Variants in PDE4DIP observed in about 807,000 individuals in gnomAD.
The protein encoded by PDE4DIP is myomegalin.
PDE4DIP carries 59 observed loss-of-function variants against 221.4 expected under a neutral mutation model. The ratio of observed to expected loss-of-function variants is 0.27; its 90% CI spans 0.22 to 0.33. PDE4DIP has a LOEUF of 0.33. Among genes scored for constraint, PDE4DIP ranks in the 10% least tolerant of loss-of-function variants. The pLI is 1.00. For synonymous variants in PDE4DIP, 404 were observed against 815.9 expected (o/e 0.50, Z 8.60); for missense variants, 1,036 against 2,154.2 (o/e 0.48, Z 10.28).
At position 148,937,817 on chromosome 1, in the gene PDE4DIP, C is replaced by T. The variant is rs781863180; in HGVS notation, c.589C>T (p.Gln197Ter). ...TGTAGAACAGCTATCTCGGGAGAAA[C>T]AACAACTGCTACATCTGTTGGAGGA... Residue 197 changes from glutamine to a stop codon, truncating the protein, a stop_gained, in exon 5 of 44, where the codon CAA (glutamine) becomes TAA (stop). Transcript: ENST00000369354. LOFTEE classifies it high-confidence loss of function. 9.2e-7 allele frequency: 1 copy of T among 1,087,556 alleles called. No homozygotes were observed. Among genetic ancestry groups the T allele is most frequent in the African/African-American group, 1.5e-5 (1 of 64,582 alleles). 67.4% of individuals were successfully genotyped at this position (1,087,556 alleles called of 1,614,324 possible). A position where few individuals can be genotyped will look rare whatever the true frequency, so the allele number is the denominator to read the frequency against.
At chr1:148,905,178 G>GTTTTTTTTT (rs56687289) in intron 1 of PDE4DIP, among the ~76,000 whole-genome samples, 15 of 94,514 alleles carry the variant, frequency 1.6e-4, no homozygotes, top group Middle Eastern at 6.0e-3. Context: ...TCTCTTCTAG[G>GTTTTTTTTT]TTTTTTTTTT....
intron 1 of PDE4DIP, among the ~76,000 whole-genome samples, chr1:148,843,523 C>A (rs1675554776): frequency 1.1e-5 from 1 of 88,244 alleles, no homozygotes; most frequent in South Asian, 5.0e-4. Flanking sequence ...CATGTGGGCA[C>A]TATAAAGCCT....
intron 1 of PDE4DIP, among the ~76,000 whole-genome samples, chr1:148,846,438 C>T: frequency 3.0e-5 from 1 of 33,746 alleles, no homozygotes; most frequent in Middle Eastern, 0.013. Context: ...AAGCGAAACT[C>T]CGCCTCAAAA....
At chr1:148,966,946 T>C (rs2151872591) in exon 12 of PDE4DIP, 3 of 1,612,452 alleles carry the variant, frequency 1.9e-6, no homozygotes, top group Admixed American at 1.7e-5. Context: ...GACTGCGCGA[T>C]GTCCTCTCCT....
chr1:148,951,584 C>G (rs1212013810), intron 5 of PDE4DIP, among the ~76,000 whole-genome samples: 4 of 152,282 alleles, frequency 2.6e-5, no homozygotes, highest in African/African-American at 9.6e-5. Flanking sequence ...CGTCCCCTGT[C>G]CTAAAATAAT....
At chr1:148,981,681 T>C in intron 21 of PDE4DIP, 1 of 379,610 alleles carries the variant, frequency 2.6e-6, no homozygotes, top group Middle Eastern at 8.0e-4. Context: ...TTTAAATCAT[T>C]CTGTTTTAGT....
At chr1:148,994,652 C>G (rs1159587988) in intron 22 of PDE4DIP, among the ~76,000 whole-genome samples, 1 of 151,968 alleles carries the variant, frequency 6.6e-6, no homozygotes, top group Non-Finnish European at 1.5e-5. Flanking sequence ...ATAAACTTAC[C>G]TACCTACCAT....
At chr1:148,961,320 G>T (rs1169107059) in intron 6 of PDE4DIP, among the ~76,000 whole-genome samples, 1 of 152,138 alleles carries the variant, frequency 6.6e-6, no homozygotes, top group Non-Finnish European at 1.5e-5. Context: ...AAAAACACTT[G>T]CATGCAGTCT....
chr1:148,933,782 TC>T (rs1486691279), intron 4 of PDE4DIP, among the ~76,000 whole-genome samples: 1 of 152,086 alleles, frequency 6.6e-6, no homozygotes, highest in Non-Finnish European at 1.5e-5. Flanking sequence ...AATGTGACCA[TC>T]AAAGCCTTTT....
intron 37 of PDE4DIP, among the ~76,000 whole-genome samples, chr1:149,022,669 G>A (rs587775788): frequency 1.4e-3 from 205 of 151,612 alleles, no homozygotes; most frequent in Admixed American, 9.7e-3. Flanking sequence ...AAGTCAGGAT[G>A]GTGGAGCAGA....
At chr1:148,952,229 G>A in intron 5 of PDE4DIP, 1 of 1,021,910 alleles carries the variant, frequency 9.8e-7, no homozygotes, top group East Asian at 5.7e-5. Flanking sequence ...CTCGCCGTGA[G>A]CCAGGTGTGC....
intron 14 of PDE4DIP, among the ~76,000 whole-genome samples, chr1:148,971,568 A>G (rs1193309094): frequency 6.6e-6 from 1 of 152,176 alleles, no homozygotes; most frequent in East Asian, 1.9e-4. Context: ...GTCACTACAC[A>G]TTTTATGCGT....
chr1:148,914,258 ATG>A (rs1222348432), intron 1 of PDE4DIP, among the ~76,000 whole-genome samples: 2 of 144,736 alleles, frequency 1.4e-5, no homozygotes, highest in African/African-American at 5.1e-5. Context: ...CAAATGAAGA[ATG>A]TGTGTAGTGA....
intron 17 of PDE4DIP, among the ~76,000 whole-genome samples, chr1:148,976,304 T>C (rs1454534508): frequency 6.6e-6 from 1 of 152,220 alleles, no homozygotes; most frequent in Non-Finnish European, 1.5e-5. Context: ...ATGTGGTATC[T>C]ACAGGAAAGA....
intron 1 of PDE4DIP, among the ~76,000 whole-genome samples, chr1:148,859,511 G>A (rs587711592): frequency 2.0e-5 from 3 of 152,072 alleles, no homozygotes; most frequent in East Asian, 3.8e-4. Context: ...GATTGATGAC[G>A]TAGGGAGAAA....
intron 1 of PDE4DIP, among the ~76,000 whole-genome samples, chr1:148,925,645 T>A (rs1311643837): frequency 6.6e-6 from 1 of 152,066 alleles, no homozygotes; most frequent in Non-Finnish European, 1.5e-5. Context: ...GGTCTCTGAC[T>A]GGCACTAGTC....
chr1:148,815,107 TA>T lies in PDE4DIP; in HGVS notation c.233+6373del, dbSNP rs1343099592. Among the ~76,000 whole-genome samples the T allele has an allele frequency of 3.4e-5, 4 of 116,388 alleles. 1 individual carries two copies. The highest frequency in any genetic ancestry group is 1.1e-4 in the African/African-American group (3 of 26,662). 76.4% of individuals were successfully genotyped at this position (116,388 alleles called of 152,430 possible). On this transcript the variant is annotated intron_variant, in intron 1 of 45. Coordinates refer to the PDE4DIP transcript ENST00000524974. ...CAGATCCACCACCATTAAAAATAAA[TA>T]AATAAATAAATAAATAAATAAATAA...
At chr1:148,895,776 AATAAC>A (rs1198201310) in intron 1 of PDE4DIP, among the ~76,000 whole-genome samples, 1 of 151,024 alleles carries the variant, frequency 6.6e-6, no homozygotes, top group Admixed American at 6.6e-5. Flanking sequence ...CTTGTGTGTA[AATAAC>A]ATAATATAAT....
chr1:148,949,048 G>A lies in PDE4DIP; in HGVS notation c.636+11184G>A, dbSNP rs1433987199. Among the ~76,000 whole-genome samples the A allele has an allele frequency of 3.3e-5, 5 of 152,244 alleles. 1 individual carries two copies. The highest frequency in any genetic ancestry group is 4.1e-4 in the South Asian group (2 of 4,822). On this transcript the variant is annotated intron_variant, in intron 5 of 43. Coordinates refer to ENST00000369354, the Ensembl canonical transcript of PDE4DIP. Reference sequence around the variant, plus strand: ...TAAAATGTTTTCAAGATGTATCCACGTTGCATGTATCTGAGTTCATTCTTT... The same window carrying A: ...TAAAATGTTTTCAAGATGTATCCACATTGCATGTATCTGAGTTCATTCTTT...
Sources: gnomAD v4.1 joint callset for allele counts (sites outside exome capture counted in the v4.1 genomes callset) on GRCh38, gnomAD v4.1.1 for gene constraint, MANE v1.5 for transcripts, NCBI Gene and HGNC (gene_info 2026-07-23, HGNC 2026-07-21) for gene names.